Variants in HTR2C observed in about 807,000 individuals in gnomAD.
HTR2C encodes the protein 5-hydroxytryptamine (serotonin) receptor 2C, G protein-coupled.
HTR2C carries 5 observed loss-of-function variants against 21.0 expected under a neutral mutation model. That is an observed-to-expected ratio of 0.24 (90% CI 0.12 to 0.50). The LOEUF (loss-of-function observed/expected upper bound fraction) is 0.50, where lower values mean the gene tolerates loss of function less well. Among genes scored for constraint, HTR2C ranks in the 20% least tolerant of loss-of-function variants. The pLI is 0.98. For synonymous variants in HTR2C, 150 were observed against 145.3 expected (o/e 1.03, Z -0.23); for missense variants, 271 against 371.2 (o/e 0.73, Z 2.22).
intron 1 of HTR2C, among the ~76,000 whole-genome samples, chrX:114,587,317 C>T (rs954250023): frequency 9.0e-6 from 1 of 111,351 alleles, no homozygotes; most frequent in African/African-American, 3.3e-5. Context: ...TAAGGAGCAT[C>T]TTACCACCTC....
intron 4 of HTR2C, among the ~76,000 whole-genome samples, chrX:114,820,327 T>A (rs184674747): frequency 7.3e-5 from 8 of 109,570 alleles, no homozygotes; most frequent in Non-Finnish European, 7.6e-5. Context: ...GGGTAGGAGT[T>A]TTTTTTAGTT....
intron 2 of HTR2C, among the ~76,000 whole-genome samples, chrX:114,629,675 T>A (rs782284541): frequency 8.9e-6 from 1 of 112,057 alleles, no homozygotes; most frequent in Admixed American, 9.5e-5. Context: ...GTTTTAATTT[T>A]TAATTAATTA....
intron 1 of HTR2C, among the ~76,000 whole-genome samples, chrX:114,612,709 C>T (rs1556398954): frequency 9.0e-6 from 1 of 111,419 alleles, no homozygotes; most frequent in South Asian, 3.8e-4. Flanking sequence ...GAATTCTTAA[C>T]TAATATTTAA....
rs1286296310 is a variant in HTR2C, at chrX:114,802,559, A to G, written c.350-45444A>G. Among the ~76,000 whole-genome samples, 3 of 110,922 alleles carry G rather than the reference A, an allele frequency of 2.7e-5. 1 individual carries two copies. Among genetic ancestry groups the G allele is most frequent in the African/African-American group, 9.8e-5 (3 of 30,563 alleles). ...TTAATTGCTAGAAACTCCTCTGACA[A>G]CCCAACCAAACACAAGCTGTTATGA... On this transcript the variant is annotated intron_variant, in intron 4 of 5. Coordinates refer to ENST00000276198, the MANE Select transcript of HTR2C (RefSeq NM_000868.4).
intron 4 of HTR2C, among the ~76,000 whole-genome samples, chrX:114,807,679 A>AT (rs59866150): frequency 1.1e-3 from 102 of 96,952 alleles, no homozygotes; most frequent in Middle Eastern, 5.6e-3. Flanking sequence ...TTATTTATTC[A>AT]TTTTTTTTTT....
At chrX:114,817,157 G>T (rs1359359929) in intron 4 of HTR2C, among the ~76,000 whole-genome samples, 2 of 109,206 alleles carry the variant, frequency 1.8e-5, no homozygotes, top group Non-Finnish European at 3.8e-5. Flanking sequence ...CATAAAATGT[G>T]TCTGTAGGTT....
intron 5 of HTR2C, among the ~76,000 whole-genome samples, chrX:114,902,357 C>T (rs1392694567): frequency 9.0e-6 from 1 of 110,751 alleles, no homozygotes; most frequent in Admixed American, 9.7e-5. Context: ...GTCAGGACCC[C>T]TTTATACTCT....
intron 4 of HTR2C, among the ~76,000 whole-genome samples, chrX:114,833,740 T>C (rs1602855790): frequency 9.0e-6 from 1 of 111,605 alleles, no homozygotes; most frequent in East Asian, 2.8e-4. Context: ...TGCCTTCTGC[T>C]AGCTTTTGAA....
chrX:114,837,683 C>T (rs966679297), intron 4 of HTR2C, among the ~76,000 whole-genome samples: 1 of 73,920 alleles, frequency 1.4e-5, no homozygotes, highest in Admixed American at 1.9e-4. Flanking sequence ...GTCTCAGATT[C>T]GCTAGTCCTA....
chrX:114,724,083 G>A (rs1179627011), intron 2 of HTR2C, among the ~76,000 whole-genome samples: 2 of 105,830 alleles, frequency 1.9e-5, no homozygotes, highest in African/African-American at 3.4e-5. Context: ...TTGACTTTCT[G>A]TCTCGTTGAT....
chrX:114,690,591 C>CA (rs781946253), intron 2 of HTR2C, among the ~76,000 whole-genome samples: 1 of 110,533 alleles, frequency 9.0e-6, no homozygotes, highest in East Asian at 2.8e-4. Flanking sequence ...AAGTAGCTCA[C>CA]AAAAAAATAG....
intron 2 of HTR2C, among the ~76,000 whole-genome samples, chrX:114,699,144 G>A (rs1275624653): frequency 9.0e-6 from 1 of 111,423 alleles, no homozygotes; most frequent in Non-Finnish European, 1.9e-5. Context: ...TTTTCTTTTA[G>A]AAATATTTTT....
chrX:114,731,128 A>G (rs781974254), intron 3 of HTR2C, among the ~76,000 whole-genome samples, 166 bp from the exon 4 acceptor site: 118 of 112,153 alleles, frequency 1.1e-3, no homozygotes, highest in African/African-American at 3.4e-3. Context: ...AGAAAGAAGA[A>G]ATACTGAGAT....
chrX:114,638,592 G>A (rs1556405770), intron 2 of HTR2C, among the ~76,000 whole-genome samples: 1 of 105,706 alleles, frequency 9.5e-6, no homozygotes, highest in African/African-American at 3.4e-5. Context: ...AGTTACATAT[G>A]TATACATGTG....
chrX:114,587,709 G>A (rs1365879459), intron 1 of HTR2C, among the ~76,000 whole-genome samples: 3 of 111,660 alleles, frequency 2.7e-5, no homozygotes, highest in African/African-American at 9.8e-5. Flanking sequence ...TCAATCTCCA[G>A]TCTAATGTGT....
At chrX:114,764,338 C>T (rs1254083280) in intron 4 of HTR2C, among the ~76,000 whole-genome samples, 2 of 103,437 alleles carry the variant, frequency 1.9e-5, no homozygotes, top group African/African-American at 7.2e-5. Flanking sequence ...GTGGAGGTTG[C>T]GATGAGCCGA....
intron 1 of HTR2C, among the ~76,000 whole-genome samples, chrX:114,603,388 G>A (rs1233461925): frequency 4.6e-5 from 5 of 109,547 alleles, no homozygotes; most frequent in African/African-American, 1.7e-4. Context: ...GCCGCTGCAT[G>A]CAGACATGAG....
At chrX:114,894,535 G>A (rs2071281905) in intron 5 of HTR2C, among the ~76,000 whole-genome samples, 1 of 110,493 alleles carries the variant, frequency 9.1e-6, no homozygotes, top group Admixed American at 9.7e-5. Flanking sequence ...ACTTTCTGCA[G>A]GCTTGAAAAT....
In HTR2C at chrX:114,907,517, C is replaced by G. The variant is rs1218366328; in HGVS notation, c.*102C>G. On this transcript the variant is annotated 3_prime_UTR_variant, in exon 6 of 6. Coordinates refer to ENST00000276198, the MANE Select transcript of HTR2C (RefSeq NM_000868.4). Reference sequence around the variant, plus strand: ...TCTTAACTAATGTAAATATTGCTGTCTGAAAAAGTGTTTTTACATATAGCT... The same window carrying G: ...TCTTAACTAATGTAAATATTGCTGTGTGAAAAAGTGTTTTTACATATAGCT... The G allele has an allele frequency of 3.3e-6, 2 of 609,755 alleles. No individual in the cohort carries two copies. The highest frequency in any genetic ancestry group is 3.0e-5 in the South Asian group (1 of 33,305). 50.3% of individuals were successfully genotyped at this position (609,755 alleles called of 1,213,427 possible).
Sources: allele counts gnomAD v4.1 joint callset (sites outside exome capture counted in the v4.1 genomes callset), GRCh38; gene constraint gnomAD v4.1.1; transcripts MANE v1.5; gene names NCBI Gene and HGNC (gene_info 2026-07-23, HGNC 2026-07-21).